Variants in SUDS3 observed in about 807,000 individuals in gnomAD.
The protein encoded by SUDS3 is sin3 histone deacetylase corepressor complex component SDS3.
A neutral mutation model predicts 53.5 loss-of-function variants in SUDS3; 23 were observed. That is an observed-to-expected ratio of 0.43 (90% CI 0.31 to 0.61). The LOEUF is 0.61. Among genes scored for constraint, SUDS3 ranks in the 20% least tolerant of loss-of-function variants. The pLI is 0.10. For synonymous variants in SUDS3, 150 were observed against 148.5 expected, an observed-to-expected ratio of 1.01 and a Z score of -0.08; for missense variants, 291 against 405.9, an observed-to-expected ratio of 0.72 and a Z score of 2.43.
chr12:118,410,206 T>A (rs2046346025), intron 10 of SUDS3, among the ~76,000 whole-genome samples: 1 of 152,226 alleles, frequency 6.6e-6, no homozygotes. Context: ...ACACAGTAAG[T>A]GCTTAATGAG....
intron 6 of SUDS3, among the ~76,000 whole-genome samples, chr12:118,395,857 A>G (rs2046210359): frequency 6.6e-6 from 1 of 151,546 alleles, no homozygotes; most frequent in Non-Finnish European, 1.5e-5. Context: ...ATGCCTGACT[A>G]ATTTTTATAC....
At position 118,390,053 on chromosome 12, in the gene SUDS3, C is replaced by G. The variant is rs939820365; in HGVS notation, c.360+107C>G. 4.5e-6 allele frequency: 6 copies of G among 1,346,586 alleles called. No homozygotes were observed. The African/African-American group carries it at 7.2e-5, about 16-fold the overall frequency. 83.4% of individuals were successfully genotyped at this position (1,346,586 alleles called of 1,614,324 possible). ...TATCACCAAGTAGATAGTTTGGAAGCCTTCACCACTGTTCTGTTTGACTTA... is the reference window on the plus strand; with the variant it reads ...TATCACCAAGTAGATAGTTTGGAAGGCTTCACCACTGTTCTGTTTGACTTA... On this transcript the variant is annotated intron_variant, in intron 5 of 11. Transcript: ENST00000543473.
At chr12:118,413,055 G>A (rs1456663762) in intron 11 of SUDS3, among the ~76,000 whole-genome samples, 1 of 152,054 alleles carries the variant, frequency 6.6e-6, no homozygotes, top group African/African-American at 2.4e-5. Context: ...GCTTTTCTTG[G>A]GATCAGTTTT....
chr12:118,396,990 G>T (rs2046221786), intron 6 of SUDS3, among the ~76,000 whole-genome samples: 1 of 152,190 alleles, frequency 6.6e-6, no homozygotes, highest in Non-Finnish European at 1.5e-5. Context: ...GTGGTTTGGA[G>T]AGGAGTTATA....
At position 118,402,131 on chromosome 12, in the gene SUDS3, T is replaced by G. The variant is rs74804027; in HGVS notation, c.697+127T>G. The G allele has an allele frequency of 7.7e-3, 8,433 of 1,090,240 alleles. 434 individuals carry two copies. In the African/African-American group the frequency reaches 0.11, roughly 14 times the overall value. 67.5% of individuals were successfully genotyped at this position (1,090,240 alleles called of 1,614,324 possible). A position where few individuals can be genotyped will look rare whatever the true frequency, so the allele number is the denominator to read the frequency against. ...ATGTTCATCATTTGCCTAAGAGTAG[T>G]CATCATGAAAACTGAAGGGGACCTT... is the stretch of plus-strand genomic sequence containing the variant. On this transcript the variant is annotated intron_variant, in intron 9 of 11. Transcript: ENST00000543473.
chr12:118,382,834 A>T (rs1401973988), intron 2 of SUDS3, among the ~76,000 whole-genome samples: 1 of 147,146 alleles, frequency 6.8e-6, no homozygotes, highest in Non-Finnish European at 1.5e-5. Context: ...CGTCTGGCTA[A>T]TTTTTTTTTT....
intron 6 of SUDS3, 43 bp downstream of exon 6, chr12:118,391,325 G>T (rs905973217): frequency 2.6e-6 from 4 of 1,565,234 alleles, no homozygotes; most frequent in East Asian, 2.2e-5. Context: ...GCCCTGAGCG[G>T]GGGGGTGTGA....
chr12:118,399,487 G>A (rs915343176), intron 6 of SUDS3, among the ~76,000 whole-genome samples: 1 of 152,206 alleles, frequency 6.6e-6, no homozygotes, highest in African/African-American at 2.4e-5. Flanking sequence ...GGGTGAGAGA[G>A]TGAGGCCCTG....
chr12:118,414,249 T>G, intron 11 of SUDS3, 86 bp from the exon 12 acceptor site: 1 of 971,776 alleles, frequency 1.0e-6, no homozygotes, highest in Non-Finnish European at 1.5e-6. Context: ...TGCTTGCATC[T>G]CACTCGTGCA....
intron 4 of SUDS3, among the ~76,000 whole-genome samples, chr12:118,389,259 G>A (rs1021612513): frequency 2.0e-5 from 3 of 151,978 alleles, no homozygotes; most frequent in Non-Finnish European, 2.9e-5. Context: ...CCCAGCCCGT[G>A]GGAGAATTGT....
At chr12:118,404,995 C>CT (rs1171815290) in intron 10 of SUDS3, among the ~76,000 whole-genome samples, 2 of 152,192 alleles carry the variant, frequency 1.3e-5, no homozygotes, top group Non-Finnish European at 2.9e-5. Context: ...GGCTTTATCT[C>CT]TAAGGCTGAT....
chr12:118,382,196 C>T lies in SUDS3; in HGVS notation c.213-1816C>T, dbSNP rs190196962. Among the ~76,000 whole-genome samples, 16 of 152,170 alleles carry T rather than the reference C, an allele frequency of 1.1e-4. No individual in the cohort carries two copies. In the East Asian group the frequency reaches 2.7e-3, roughly 26 times the overall value. On this transcript the variant is annotated intron_variant, in intron 2 of 11. Coordinates refer to ENST00000543473, the MANE Select transcript of SUDS3 (RefSeq NM_022491.3). ...CTGGGACTACAGGCATGCGCCACTA[C>T]GCCTGGCTGATTTTTTTGTTGTTGT...
At chr12:118,410,889 G>A (rs1378271744) in intron 10 of SUDS3, among the ~76,000 whole-genome samples, 184 bp from the exon 11 acceptor site, 5 of 151,994 alleles carry the variant, frequency 3.3e-5, no homozygotes, top group African/African-American at 7.2e-5. Flanking sequence ...GAGCCACCGC[G>A]CCTGGCCTCA....
intron 11 of SUDS3, among the ~76,000 whole-genome samples, chr12:118,412,014 C>T (rs1478386829): frequency 1.3e-5 from 2 of 152,218 alleles, no homozygotes; most frequent in Non-Finnish European, 2.9e-5. Context: ...ACGCCACTTG[C>T]CTGCCGTCTT....
At chr12:118,397,181 G>T (rs1246594250) in intron 6 of SUDS3, among the ~76,000 whole-genome samples, 1 of 152,162 alleles carries the variant, frequency 6.6e-6, no homozygotes, top group Non-Finnish European at 1.5e-5. Flanking sequence ...GTTGGTGCAT[G>T]ATGTCGGAGA....
At position 118,389,021 on chromosome 12, in the gene SUDS3, C is replaced by T. The variant is rs374597222; in HGVS notation, c.341-906C>T. Among the ~76,000 whole-genome samples, 148 of 152,202 alleles carry T rather than the reference C, an allele frequency of 9.7e-4. 2 individuals carry two copies. In the South Asian group the frequency reaches 0.027, roughly 28 times the overall value. On this transcript the variant is annotated intron_variant, in intron 4 of 11. Coordinates refer to ENST00000543473, the MANE Select transcript of SUDS3 (RefSeq NM_022491.3). ...AAAATCAGCCAGGTGTGGTGGTTTG[C>T]GCCTTTAATCCTAGCTACTTGGGAG... is the stretch of plus-strand genomic sequence containing the variant.
intron 1 of SUDS3, among the ~76,000 whole-genome samples, chr12:118,377,265 T>TA (rs2046008015): frequency 1.3e-5 from 2 of 151,838 alleles, no homozygotes; most frequent in Non-Finnish European, 2.9e-5. Flanking sequence ...GGTAGTACAC[T>TA]ATTGAGAACT....
intron 5 of SUDS3, among the ~76,000 whole-genome samples, chr12:118,390,663 G>A (rs922370340): frequency 4.6e-5 from 7 of 152,146 alleles, no homozygotes; most frequent in Non-Finnish European, 1.0e-4. Flanking sequence ...TTTGAAAAGC[G>A]GAGGCATATA....
intron 9 of SUDS3, 123 bp downstream of exon 9, chr12:118,402,127 G>C: frequency 8.8e-7 from 1 of 1,132,876 alleles, no homozygotes; most frequent in Non-Finnish European, 1.3e-6. Context: ...TTGCCTAAGA[G>C]TAGTCATCAT....
Sources: gnomAD v4.1 joint callset for allele counts (sites outside exome capture counted in the v4.1 genomes callset) on GRCh38, gnomAD v4.1.1 for gene constraint, MANE v1.5 for transcripts, NCBI Gene and HGNC (gene_info 2026-07-23, HGNC 2026-07-21) for gene names.